FAP: variants seen among roughly 807,000 people sequenced by gnomAD.
FAP encodes the protein prolyl endopeptidase FAP.
In FAP, 110 loss-of-function variants were observed where a neutral mutation model predicts 126.5. The ratio of observed to expected loss-of-function variants is 0.87; its 90% CI spans 0.74 to 1.02. FAP has a LOEUF of 1.02. Ranked by LOEUF, FAP falls within the 50% of genes least tolerant of loss-of-function variation. The pLI is 0.00. For missense variants in FAP, 919 were observed against 909.2 expected, an observed-to-expected ratio of 1.01 and a Z score of -0.14; for synonymous variants, 334 against 297.3, an observed-to-expected ratio of 1.12 and a Z score of -1.27.
At chr2:162,173,297 G>A in intron 23 of FAP, 76 bp from the exon 24 acceptor site, 1 of 1,019,876 alleles carries the variant, frequency 9.8e-7, no homozygotes. Flanking sequence ...TTGTGCAATG[G>A]ACTTAGCACC....
chr2:162,227,333 C>T (rs1482079300), intron 2 of FAP, among the ~76,000 whole-genome samples: 1 of 152,224 alleles, frequency 6.6e-6, no homozygotes, highest in African/African-American at 2.4e-5. Context: ...TCACAAACCA[C>T]AAACAAATTC....
intron 2 of FAP, among the ~76,000 whole-genome samples, chr2:162,240,047 G>T (rs1039866954): frequency 1.3e-5 from 2 of 152,140 alleles, no homozygotes; most frequent in Non-Finnish European, 2.9e-5. Context: ...TCTCAGCCTT[G>T]TTGCATATTC....
At chr2:162,203,412 C>A (rs1688575637) in intron 12 of FAP, among the ~76,000 whole-genome samples, 2 of 152,118 alleles carry the variant, frequency 1.3e-5, no homozygotes, top group Non-Finnish European at 2.9e-5. Context: ...GATTAAATTC[C>A]TAAGTCGAAG....
intron 25 of FAP, 142 bp downstream of exon 25, chr2:162,172,669 C>T: frequency 1.7e-6 from 1 of 599,392 alleles, no homozygotes; most frequent in South Asian, 2.2e-5. Flanking sequence ...ATCCAAGATT[C>T]ATTTGCTAAT....
chr2:162,235,302 G>A lies in FAP; in HGVS notation c.91+7606C>T, dbSNP rs374757546. 7.2e-5 allele frequency among the ~76,000 whole-genome samples: 11 copies of A among 152,208 alleles called. No individual in the cohort carries two copies. In the East Asian group the frequency reaches 7.7e-4, roughly 11 times the overall value. Reference sequence around the variant, plus strand: ...GGCCCAAGGGCTGAGGAGTGCCAGCGCATGGCGCGGGACTGGCGGGCAGCT... The same window carrying A: ...GGCCCAAGGGCTGAGGAGTGCCAGCACATGGCGCGGGACTGGCGGGCAGCT... On this transcript the variant is annotated intron_variant, in intron 2 of 25. Coordinates refer to ENST00000188790, the MANE Select transcript of FAP (RefSeq NM_004460.5).
intron 12 of FAP, chr2:162,209,476 ACT>A: frequency 6.6e-6 from 1 of 152,606 alleles, no homozygotes; most frequent in Non-Finnish European, 1.5e-5. Flanking sequence ...CCAAATCATT[ACT>A]TAAATACTGG....
At chr2:162,230,585 C>A (rs188200130) in intron 2 of FAP, among the ~76,000 whole-genome samples, 2 of 151,524 alleles carry the variant, frequency 1.3e-5, no homozygotes, top group African/African-American at 4.8e-5. Flanking sequence ...ATAATTCCCC[C>A]GAGAATATAT....
At chr2:162,198,264 G>A in intron 16 of FAP, 1 of 1,289,906 alleles carries the variant, frequency 7.8e-7, no homozygotes, top group Non-Finnish European at 1.0e-6. Context: ...CCTCCGACGT[G>A]GGCATCTCGG....
intron 20 of FAP, among the ~76,000 whole-genome samples, chr2:162,186,129 G>C (rs1012693157): frequency 2.0e-5 from 3 of 152,068 alleles, no homozygotes; most frequent in African/African-American, 4.8e-5. Flanking sequence ...ACTTTTACCA[G>C]ATTGCAAGCA....
At chr2:162,202,820 A>C in intron 14 of FAP, 52 bp downstream of exon 14, 1 of 1,312,762 alleles carries the variant, frequency 7.6e-7, no homozygotes, top group Non-Finnish European at 1.1e-6. Flanking sequence ...ATTTATGTCC[A>C]TCGGTGCCAA....
At chr2:162,213,054 A>G (rs1689008733) in intron 11 of FAP, among the ~76,000 whole-genome samples, 1 of 152,324 alleles carries the variant, frequency 6.6e-6, no homozygotes, top group East Asian at 1.9e-4. Context: ...CTTATGTCAC[A>G]TTCTCAGTAA....
chr2:162,230,267 G>C (rs900952796), intron 2 of FAP, among the ~76,000 whole-genome samples: 1 of 152,048 alleles, frequency 6.6e-6, no homozygotes, highest in Non-Finnish European at 1.5e-5. Context: ...GTTAGAATAA[G>C]AATAAAACAT....
At chr2:162,225,725 T>G in intron 3 of FAP, 148 bp from the exon 4 acceptor site, 1 of 771,896 alleles carries the variant, frequency 1.3e-6, no homozygotes, top group Non-Finnish European at 1.9e-6. Context: ...AAATAGTAAG[T>G]TGGTGGTAGA....
chr2:162,208,712 G>C lies in FAP; in HGVS notation c.1047+1240C>G, dbSNP rs985679793. On this transcript the variant is annotated intron_variant, in intron 12 of 25. Coordinates refer to ENST00000188790, the MANE Select transcript of FAP (RefSeq NM_004460.5). The stretch of plus-strand genomic sequence containing the variant: ...TTACCTTTCTGAAAGGTGAGATTCA[G>C]ATTGATTAAGAATACATAAAATTTA... Among the ~76,000 whole-genome samples the C allele has an allele frequency of 3.3e-5, 5 of 152,086 alleles. No individual in the cohort carries two copies. The South Asian group carries it at 1.0e-3, about 32-fold the overall frequency.
At chr2:162,178,760 T>C (rs1275776558) in intron 21 of FAP, among the ~76,000 whole-genome samples, 2 of 152,234 alleles carry the variant, frequency 1.3e-5, no homozygotes, top group African/African-American at 2.4e-5. Flanking sequence ...AAAAATTTTG[T>C]TGGGTGCGAT....
At chr2:162,223,955 C>T (rs1184247412) in intron 5 of FAP, among the ~76,000 whole-genome samples, 1 of 152,098 alleles carries the variant, frequency 6.6e-6, no homozygotes, top group Non-Finnish European at 1.5e-5. Flanking sequence ...TCTTTGCATA[C>T]TCTACCCCAG....
At chr2:162,235,445 T>C (rs1021584078) in intron 2 of FAP, among the ~76,000 whole-genome samples, 1 of 152,130 alleles carries the variant, frequency 6.6e-6, no homozygotes, top group Non-Finnish European at 1.5e-5. Flanking sequence ...CAATCAGCAC[T>C]CTGTGTCTAG....
intron 7 of FAP, 63 bp from the exon 8 acceptor site, chr2:162,219,246 A>G: frequency 6.7e-7 from 1 of 1,482,730 alleles, no homozygotes; most frequent in Non-Finnish European, 9.2e-7. Flanking sequence ...ATTTGTTTTA[A>G]TTATTCCTCT....
intron 2 of FAP, among the ~76,000 whole-genome samples, chr2:162,227,041 C>G (rs1288386455): frequency 6.6e-6 from 1 of 152,112 alleles, no homozygotes; most frequent in Admixed American, 6.5e-5. Flanking sequence ...ATCCCAGTCT[C>G]TTATGCAGCT....
Sources: allele counts gnomAD v4.1 joint callset (sites outside exome capture counted in the v4.1 genomes callset), GRCh38; gene constraint gnomAD v4.1.1; transcripts MANE v1.5; gene names NCBI Gene and HGNC (gene_info 2026-07-23, HGNC 2026-07-21).